The following ATP8B4 variants were observed in gnomAD, a reference collection of about 807,000 sequenced individuals.
The protein encoded by ATP8B4 is probable phospholipid-transporting ATPase IM.
In ATP8B4, 133 loss-of-function variants were observed where a neutral mutation model predicts 145.6. The observed-to-expected ratio is 0.91, with a 90% CI of 0.79 to 1.05. The LOEUF is 1.05. Among genes scored for constraint, ATP8B4 ranks in the 50% least tolerant of loss-of-function variants. The pLI, the probability that ATP8B4 is intolerant of heterozygous loss-of-function variation, is 0.00. For missense variants in ATP8B4, 1,458 were observed against 1,425.2 expected, an observed-to-expected ratio of 1.02 and a Z score of -0.37; for synonymous variants, 507 against 492.9, an observed-to-expected ratio of 1.03 and a Z score of -0.38.
intron 10 of ATP8B4, among the ~76,000 whole-genome samples, chr15:49,986,367 G>C (rs2046597949): frequency 6.6e-6 from 1 of 152,098 alleles, no homozygotes; most frequent in Admixed American, 6.5e-5. Context: ...GTCAAGCCTA[G>C]CTCTCTTTTT....
chr15:50,123,385 A>C (rs1450731245), upstream of ATP8B4, among the ~76,000 whole-genome samples: 1 of 152,212 alleles, frequency 6.6e-6, no homozygotes, highest in Admixed American at 6.5e-5. Flanking sequence ...TTGTAGGACT[A>C]ACAAATTAGC....
chr15:49,885,950 G>T (rs920136563), intron 23 of ATP8B4: 1 of 152,184 alleles, frequency 6.6e-6, no homozygotes, highest in Non-Finnish European at 1.5e-5. Context: ...ATGGGAGGGG[G>T]AGTGGGCAGG....
chr15:50,015,476 A>G (rs2049021923), intron 6 of ATP8B4, among the ~76,000 whole-genome samples: 1 of 152,218 alleles, frequency 6.6e-6, no homozygotes, highest in Non-Finnish European at 1.5e-5. Context: ...TGCTCTTAAT[A>G]CATCTATATT....
chr15:49,866,163 G>C (rs546553078), intron 26 of ATP8B4, among the ~76,000 whole-genome samples, 183 bp downstream of exon 26: 1 of 152,340 alleles, frequency 6.6e-6, no homozygotes, highest in African/African-American at 2.4e-5. Flanking sequence ...ATCCAGTAGA[G>C]ACAGCAGAAA....
intron 14 of ATP8B4, among the ~76,000 whole-genome samples, chr15:49,960,326 C>T (rs113925423): frequency 0.018 from 2,760 of 152,254 alleles, 85 homozygotes; most frequent in African/African-American, 0.064. Context: ...CACGCCCAGC[C>T]TTTGTCAATA....
intron 1 of ATP8B4, among the ~76,000 whole-genome samples, chr15:50,157,629 T>C (rs1246130965): frequency 6.6e-6 from 1 of 152,210 alleles, no homozygotes; most frequent in African/African-American, 2.4e-5. Context: ...TTTAGGATTT[T>C]TTTTTCTATA....
chr15:50,116,694 G>A (rs900357645), intron 1 of ATP8B4, among the ~76,000 whole-genome samples: 1 of 152,046 alleles, frequency 6.6e-6, no homozygotes, highest in Non-Finnish European at 1.5e-5. Context: ...GGTCAGTGAA[G>A]GATCCATTGA....
chr15:50,011,887 T>C (rs1471662502), intron 6 of ATP8B4, among the ~76,000 whole-genome samples: 1 of 148,330 alleles, frequency 6.7e-6, no homozygotes, highest in Non-Finnish European at 1.5e-5. Flanking sequence ...GTTAATTTCA[T>C]TGTACTTTAA....
chr15:49,995,993 A>T (rs1301970430), intron 9 of ATP8B4, among the ~76,000 whole-genome samples: 3 of 152,134 alleles, frequency 2.0e-5, no homozygotes, highest in Non-Finnish European at 1.5e-5. Context: ...AATGGACAAC[A>T]TCTAGAGGTT....
intron 11 of ATP8B4, 106 bp downstream of exon 11, chr15:49,981,099 AC>A (rs2046113198): frequency 1.0e-6 from 1 of 952,620 alleles, no homozygotes; most frequent in South Asian, 1.6e-5. Context: ...ATCCCCAAAA[AC>A]AAACTCCACA....
At chr15:49,873,199 A>G (rs916582269) in intron 25 of ATP8B4, among the ~76,000 whole-genome samples, 2 of 152,216 alleles carry the variant, frequency 1.3e-5, no homozygotes, top group Non-Finnish European at 2.9e-5. Context: ...TGAAAATGAT[A>G]CAATCTATTT....
At chr15:50,044,015 T>G (rs995432468) in intron 5 of ATP8B4, among the ~76,000 whole-genome samples, 1 of 151,926 alleles carries the variant, frequency 6.6e-6, no homozygotes, top group South Asian at 2.1e-4. Flanking sequence ...ACAAAATATG[T>G]GTTAATCAAC....
chr15:50,147,395 G>T (rs1250794652), intron 1 of ATP8B4, among the ~76,000 whole-genome samples: 1 of 145,306 alleles, frequency 6.9e-6, no homozygotes, highest in Non-Finnish European at 1.5e-5. Flanking sequence ...CATCCTGGGT[G>T]ACAGAGAGAA....
In ATP8B4 at chr15:49,897,456, C is replaced by T. The variant is rs572698150; in HGVS notation, c.2533G>A (p.Asp845Asn). 6 of 1,607,406 alleles carry T rather than the reference C, an allele frequency of 3.7e-6. No individual in the cohort carries two copies. The highest frequency in any genetic ancestry group is 1.7e-5 in the Admixed American group (1 of 58,862). Residue 845 changes from aspartate (D) to asparagine (N), a missense_variant, in exon 23 of 28, where the codon GAC becomes AAC. By Grantham distance (23) the Asp-to-Asn change is conservative. Transcript: ENST00000284509. The stretch of plus-strand genomic sequence containing the variant: ...TATCTAAACTGTGCAAATGAATAGT[C>T]GCTGGCTAAGACTGCTTGCAATCCT... Reference protein sequence around the residue: ...QEGLQAVLASDYSFAQFRYLQ... With the variant: ...QEGLQAVLASNYSFAQFRYLQ...
intron 3 of ATP8B4, among the ~76,000 whole-genome samples, chr15:50,070,535 C>T (rs951321980): frequency 3.3e-5 from 5 of 152,150 alleles, no homozygotes; most frequent in Admixed American, 1.3e-4. Context: ...AAGGCAACAC[C>T]ACCTAGGTGT....
At chr15:50,100,035 C>CAA (rs751319243) in intron 2 of ATP8B4, among the ~76,000 whole-genome samples, 25,952 of 79,860 alleles carry the variant, frequency 0.32, 3,879 homozygotes, top group East Asian at 0.65. Flanking sequence ...AACTCCATCT[C>CAA]AAAAAAAAAA....
At position 50,004,668 on chromosome 15, in the gene ATP8B4, A is replaced by C. The variant is rs2048173302; in HGVS notation, c.436-2445T>G. ...AACATTCACAGAAATCCTGTAACGC[A>C]GGTCTTATTGTTATCTCCACTTTAC... On this transcript the variant is annotated intron_variant, in intron 7 of 27. Coordinates refer to ENST00000284509, the MANE Select transcript of ATP8B4 (RefSeq NM_024837.4). Among the ~76,000 whole-genome samples the C allele has an allele frequency of 2.0e-5, 3 of 152,334 alleles. No individual in the cohort carries two copies. The South Asian group carries it at 6.2e-4, about 32-fold the overall frequency.
chr15:50,151,052 T>A (rs752587032), intron 1 of ATP8B4, among the ~76,000 whole-genome samples: 3 of 152,216 alleles, frequency 2.0e-5, no homozygotes, highest in Non-Finnish European at 4.4e-5. Context: ...TAAATTGTTG[T>A]GTGACTCATT....
At chr15:49,938,295 T>C (rs1599276318) in intron 14 of ATP8B4, among the ~76,000 whole-genome samples, 1 of 151,996 alleles carries the variant, frequency 6.6e-6, no homozygotes, top group African/African-American at 2.4e-5. Flanking sequence ...AATATTAACT[T>C]TGAATGCAAA....
Sources: gnomAD v4.1 joint callset for allele counts (sites outside exome capture counted in the v4.1 genomes callset) on GRCh38, gnomAD v4.1.1 for gene constraint, MANE v1.5 for transcripts, NCBI Gene and HGNC (gene_info 2026-07-23, HGNC 2026-07-21) for gene names.